Variants in GPR107 observed in about 807,000 individuals in gnomAD.
GPR107 encodes the protein protein GPR107.
GPR107 carries 31 observed loss-of-function variants against 75.5 expected under a neutral mutation model. That is an observed-to-expected ratio of 0.41 (90% CI 0.31 to 0.55). The LOEUF is 0.55. GPR107 is among the 20% of genes least tolerant of loss of function. The pLI is 0.26. For missense variants in GPR107, 572 were observed against 665.7 expected (o/e 0.86, Z 1.55); for synonymous variants, 267 against 251.3 (o/e 1.06, Z -0.59).
chr9:130,069,984 CTTT>C (rs1045979986), intron 1 of GPR107, among the ~76,000 whole-genome samples: 2 of 45,424 alleles, frequency 4.4e-5, no homozygotes, highest in African/African-American at 1.7e-4. Flanking sequence ...TGCCTGGCCT[CTTT>C]TTTTTTTTTT....
chr9:130,072,281 T>C (rs189091426), intron 1 of GPR107, among the ~76,000 whole-genome samples: 1 of 151,488 alleles, frequency 6.6e-6, no homozygotes, highest in African/African-American at 2.4e-5. Flanking sequence ...TGCAGTGGCG[T>C]GATCTCGGCT....
At chr9:130,068,292 A>G (rs1830117618) in intron 1 of GPR107, among the ~76,000 whole-genome samples, 2 of 152,028 alleles carry the variant, frequency 1.3e-5, no homozygotes, top group Non-Finnish European at 2.9e-5. Flanking sequence ...GTTGCTCCAG[A>G]GAATGGGTTC....
At chr9:130,084,436 C>T (rs979799702) in intron 6 of GPR107, among the ~76,000 whole-genome samples, 1 of 145,864 alleles carries the variant, frequency 6.9e-6, no homozygotes, top group Non-Finnish European at 1.5e-5. Context: ...AGGGAATTGT[C>T]TCCTATTTTG....
At chr9:130,085,542 ATTTC>A (rs1268729280) in intron 6 of GPR107, among the ~76,000 whole-genome samples, 1 of 150,820 alleles carries the variant, frequency 6.6e-6, no homozygotes, top group Non-Finnish European at 1.5e-5. Flanking sequence ...CACCCCAAAA[ATTTC>A]TTCTGCCTTT....
chr9:130,086,180 G>T (rs183569140), intron 6 of GPR107, among the ~76,000 whole-genome samples: 1 of 152,254 alleles, frequency 6.6e-6, no homozygotes, highest in Non-Finnish European at 1.5e-5. Context: ...TTCAAGGCAG[G>T]GGGTGGAGGT....
chr9:130,081,692 CAAAA>C (rs1421171723), intron 5 of GPR107, among the ~76,000 whole-genome samples: 2 of 146,820 alleles, frequency 1.4e-5, no homozygotes, highest in Non-Finnish European at 3.0e-5. Flanking sequence ...AAACAAAAAA[CAAAA>C]AACACAAAAA....
At chr9:130,127,625 G>A (rs908993686) in intron 16 of GPR107, 59 bp downstream of exon 16, 13 of 896,120 alleles carry the variant, frequency 1.5e-5, no homozygotes, top group Admixed American at 5.3e-5. Context: ...AAGTCTTGAA[G>A]TGTAACTTAA....
At chr9:130,074,462 C>T (rs1830292551) in intron 1 of GPR107, among the ~76,000 whole-genome samples, 1 of 152,156 alleles carries the variant, frequency 6.6e-6, no homozygotes, top group Non-Finnish European at 1.5e-5. Flanking sequence ...AATTGTTACA[C>T]AACATAAAGT....
chr9:130,095,887 G>A (rs189201404), intron 9 of GPR107, among the ~76,000 whole-genome samples: 10 of 152,276 alleles, frequency 6.6e-5, no homozygotes, highest in East Asian at 5.8e-4. Flanking sequence ...GACCAAGGCC[G>A]CCAGGCGCAT....
chr9:130,062,258 C>T (rs980939400), intron 1 of GPR107, among the ~76,000 whole-genome samples: 2 of 151,226 alleles, frequency 1.3e-5, no homozygotes, highest in African/African-American at 4.9e-5. Flanking sequence ...ACTAAAAATA[C>T]AAAAAATTAG....
chr9:130,100,789 C>T, intron 11 of GPR107, 87 bp downstream of exon 11: 2 of 941,904 alleles, frequency 2.1e-6, no homozygotes, highest in Non-Finnish European at 3.5e-6. Context: ...AGTTAACCAG[C>T]CCTGCCCTCC....
At chr9:130,089,131 C>T (rs928236364) in intron 7 of GPR107, among the ~76,000 whole-genome samples, 12 of 151,934 alleles carry the variant, frequency 7.9e-5, no homozygotes, top group Admixed American at 6.6e-4. Context: ...GATCACGCCA[C>T]TGCACTCCAG....
chr9:130,091,958 T>C (rs1830749763), intron 8 of GPR107, among the ~76,000 whole-genome samples: 1 of 151,950 alleles, frequency 6.6e-6, no homozygotes, highest in African/African-American at 2.4e-5. Flanking sequence ...CCTCCCAAAG[T>C]GCTGGGATTA....
At chr9:130,064,323 G>T (rs369868477) in intron 1 of GPR107, among the ~76,000 whole-genome samples, 1 of 145,658 alleles carries the variant, frequency 6.9e-6, no homozygotes, top group South Asian at 2.2e-4. Context: ...TCAGCCTCCC[G>T]AGTAGCTGGG....
chr9:130,065,977 C>T (rs1247142753), intron 1 of GPR107, among the ~76,000 whole-genome samples: 1 of 151,514 alleles, frequency 6.6e-6, no homozygotes, highest in Non-Finnish European at 1.5e-5. Context: ...TTATTCACTC[C>T]CCCCCAAAAG....
At chr9:130,057,924 G>C (rs750215847) in intron 1 of GPR107, among the ~76,000 whole-genome samples, 4 of 151,170 alleles carry the variant, frequency 2.6e-5, no homozygotes, top group African/African-American at 9.7e-5. Context: ...TCCGCCTCCC[G>C]GTTCAAGCGA....
chr9:130,115,233 A>G (rs1831393382), intron 14 of GPR107, among the ~76,000 whole-genome samples: 1 of 151,968 alleles, frequency 6.6e-6, no homozygotes, highest in African/African-American at 2.4e-5. Context: ...GGATTCATGG[A>G]CCCCAGATTT....
chr9:130,100,668 G>A lies in GPR107; in HGVS notation c.979G>A (p.Glu327Lys). 3.1e-6 allele frequency: 5 copies of A among 1,613,248 alleles called. No individual in the cohort carries two copies. Among genetic ancestry groups the A allele is most frequent in the African/African-American group, 2.7e-5 (2 of 75,052 alleles). ...HYISSQGFPI[E>K]GWAVVYYITH... ...CATCTCCTCCCAGGGCTTCCCTATC[G>A]AAGGCTGGGCTGTTGTGTACTACAT... is the stretch of plus-strand genomic sequence containing the variant. The change falls in exon 11 of 18, where the codon GAA (glutamate) becomes AAA (lysine). Residue 327 changes from glutamate to lysine, a missense_variant. Transcript: ENST00000347136.
chr9:130,096,889 A>G (rs541162462), intron 9 of GPR107, among the ~76,000 whole-genome samples: 1 of 152,308 alleles, frequency 6.6e-6, no homozygotes, highest in Admixed American at 6.5e-5. Flanking sequence ...TCTGCGATCT[A>G]GCCATGTGGC....
Sources: allele counts gnomAD v4.1 joint callset (sites outside exome capture counted in the v4.1 genomes callset), GRCh38; gene constraint gnomAD v4.1.1; transcripts MANE v1.5; gene names NCBI Gene and HGNC (gene_info 2026-07-23, HGNC 2026-07-21).